The following NUFIP2 variants were observed in gnomAD, a reference collection of about 807,000 sequenced individuals.
The protein encoded by NUFIP2 is FMR1-interacting protein NUFIP2.
Under a neutral mutation model 56.9 loss-of-function variants are expected in NUFIP2, and 6 were observed. The observed-to-expected ratio is 0.11, with a 90% CI of 0.06 to 0.21. NUFIP2 has a LOEUF of 0.21. Ranked by LOEUF, NUFIP2 falls within the 10% of genes least tolerant of loss-of-function variation. The pLI, the probability that NUFIP2 is intolerant of heterozygous loss-of-function variation, is 1.00. For synonymous variants in NUFIP2, 321 were observed against 298.2 expected (o/e 1.08, Z -0.79); for missense variants, 828 against 826.8 (o/e 1.00, Z -0.02).
chr17:29,285,447 C>T (rs879541450), intron 2 of NUFIP2, among the ~76,000 whole-genome samples: 4 of 150,780 alleles, frequency 2.7e-5, no homozygotes, highest in African/African-American at 7.3e-5. Context: ...AAAAATTAGC[C>T]GGGCATGGTG....
intron 2 of NUFIP2, among the ~76,000 whole-genome samples, chr17:29,282,647 C>A (rs1479926167): frequency 6.6e-6 from 1 of 151,908 alleles, no homozygotes; most frequent in Non-Finnish European, 1.5e-5. Flanking sequence ...ATAACGCACT[C>A]TCTTACCCAC....
At chr17:29,293,488 GAAT>G (rs1567683770) in intron 1 of NUFIP2, among the ~76,000 whole-genome samples, 1 of 152,082 alleles carries the variant, frequency 6.6e-6, no homozygotes, top group African/African-American at 2.4e-5. Context: ...AATGGGAAAA[GAAT>G]AATGAGGTTG....
intron 2 of NUFIP2, among the ~76,000 whole-genome samples, chr17:29,285,539 C>T (rs1345674943): frequency 2.0e-5 from 3 of 151,662 alleles, no homozygotes; most frequent in African/African-American, 4.9e-5. Context: ...TGCAGTGGGC[C>T]GGGATTACGC....
chr17:29,288,684 A>G (rs1233862628), intron 1 of NUFIP2, among the ~76,000 whole-genome samples: 2 of 152,226 alleles, frequency 1.3e-5, no homozygotes, highest in African/African-American at 4.8e-5. Flanking sequence ...GATGAAGTAA[A>G]TTGCCCAAGT....
intron 1 of NUFIP2, among the ~76,000 whole-genome samples, chr17:29,288,452 A>G (rs1026765080): frequency 2.6e-5 from 4 of 152,270 alleles, no homozygotes; most frequent in African/African-American, 7.2e-5. Flanking sequence ...CTACAAAACC[A>G]TAAATAGCTG....
Position 29,287,223 on chromosome 17 carries a change from T to G in NUFIP2, c.771A>C (p.Gly257=), listed in dbSNP as rs370435600. ...TATAGTCAGGCTTGAAAGTTTCAAG[T>G]CCCTGTTTTAAGGTTGGGACACTGG... is the stretch of plus-strand genomic sequence containing the variant. ...QETSVPTLKQ[G]LETFKPDYSE... Residue 257 remains glycine (G), a synonymous_variant, in exon 2 of 4, where the codon GGA becomes GGC. Transcript: ENST00000225388. The G allele has an allele frequency of 1.2e-6, 2 of 1,614,072 alleles. No homozygotes were observed. The highest frequency in any genetic ancestry group is 1.7e-6 in the Non-Finnish European group (2 of 1,180,044).
chr17:29,283,000 T>C (rs980364754), intron 2 of NUFIP2, among the ~76,000 whole-genome samples: 8 of 152,208 alleles, frequency 5.3e-5, no homozygotes, highest in African/African-American at 9.6e-5. Flanking sequence ...TGGAACCCAA[T>C]TGAACTGAGT....
chr17:29,286,101 C>T lies in NUFIP2; in HGVS notation c.1893G>A (p.Thr631=), dbSNP rs775689369. Residue 631 remains threonine (T), a synonymous_variant, in exon 2 of 4, where the codon ACG becomes ACA. Coordinates refer to ENST00000225388, the MANE Select transcript of NUFIP2 (RefSeq NM_020772.3). ...IESQNPLASP[T]NTLLGSAKEQ... Reference sequence around the variant, plus strand: ...CTTTGGCAGAGCCTAACAAAGTGTTCGTAGGAGAGGCCAGAGGATTTTGAC... The same window carrying T: ...CTTTGGCAGAGCCTAACAAAGTGTTTGTAGGAGAGGCCAGAGGATTTTGAC... 8 of 1,613,826 alleles carry T rather than the reference C, an allele frequency of 5.0e-6. No homozygotes were observed. The Admixed American group carries it at 5.0e-5, about 10-fold the overall frequency.
rs1425266688 is a variant in NUFIP2, at chr17:29,286,141, T to C, written c.1853A>G (p.Asp618Gly). ...SQGALVFLSK[D>G]YEIESQNPLA... ...AGGATTTTGACTTTCTATCTCGTAG[T>C]CCTTTGAGAGAAACACTAAAGCACC... Residue 618 changes from aspartate to glycine, a missense_variant, in exon 2 of 4, where the codon GAC becomes GGC. Coordinates refer to ENST00000225388, the MANE Select transcript of NUFIP2 (RefSeq NM_020772.3). 3.7e-6 allele frequency: 6 copies of C among 1,614,170 alleles called. No individual in the cohort carries two copies. The East Asian group carries it at 8.9e-5, about 24-fold the overall frequency.
In NUFIP2 at chr17:29,287,679, TTC is replaced by T. The variant is rs760579159; in HGVS notation, c.313_314del (p.Glu105AsnfsTer9). 2 of 1,612,314 alleles carry T rather than the reference TTC, an allele frequency of 1.2e-6. No homozygotes were observed. Among genetic ancestry groups the T allele is most frequent in the Non-Finnish European group, 1.7e-6 (2 of 1,179,414 alleles). ...CAGAACTCAGGTTCTTTAAAGATAT[TTC>T]TCTTTCTCCAGCATTACCGTTTAGT... ...GELNGNAGER[E>X]ISLKNLSSDE... On this transcript the variant is annotated frameshift_variant, in exon 2 of 4. Coordinates refer to ENST00000225388, the MANE Select transcript of NUFIP2 (RefSeq NM_020772.3). LOFTEE classifies it high-confidence loss of function.
rs1428347128 is a variant in NUFIP2, at chr17:29,293,888, G to C, written c.172C>G (p.Leu58Val). The C allele has an allele frequency of 1.2e-6, 2 of 1,614,050 alleles. No homozygotes were observed. Among genetic ancestry groups the C allele is most frequent in the Non-Finnish European group, 1.7e-6 (2 of 1,179,972 alleles). ...GGGCTGCCCTCGGCTCCATGCTGCAGGTATTGGTGAGGCTGCTGGTGATGA... is the reference window on the plus strand; with the variant it reads ...GGGCTGCCCTCGGCTCCATGCTGCACGTATTGGTGAGGCTGCTGGTGATGA... ...HHHHQQPHQY[L>V]QHGAEGSPKA... Residue 58 changes from leucine (L) to valine (V), a missense_variant, in exon 1 of 4, where the codon CTG becomes GTG. Leu to Val is a conservative substitution (Grantham distance 32). Coordinates refer to ENST00000225388, the MANE Select transcript of NUFIP2 (RefSeq NM_020772.3).
Position 29,267,531 on chromosome 17 carries a change from C to A in NUFIP2, c.2003-1G>T. 6.5e-7 allele frequency: 1 copy of A among 1,529,660 alleles called. No individual in the cohort carries two copies. Among genetic ancestry groups the A allele is most frequent in the Admixed American group, 1.8e-5 (1 of 55,304 alleles). The allele number at this position is 1,529,660 out of a possible 1,614,324, so 94.8% of individuals were successfully genotyped here. ...TGCAAATTCCAAATAGATTCCATTT[C>A]TGCAAAGAAAAAAAGAGAATTACAT... On this transcript the variant is annotated splice_acceptor_variant, in intron 2 of 3. Transcript: ENST00000225388. LOFTEE classifies it high-confidence loss of function.
chr17:29,278,183 C>T (rs371021690), intron 2 of NUFIP2, among the ~76,000 whole-genome samples: 2 of 152,082 alleles, frequency 1.3e-5, no homozygotes, highest in Admixed American at 6.6e-5. Context: ...AATAGAAACT[C>T]GGAACTCAAG....
Position 29,262,931 on chromosome 17 carries a change from A to C in NUFIP2, c.*1608T>G, listed in dbSNP as rs1437007196. ...CCTCAAATAATCAACAAAACAAGAA[A>C]ACCCATCCATACTACAGTCACTCAA... On this transcript the variant is annotated 3_prime_UTR_variant, in exon 4 of 4. Transcript: ENST00000225388. 6.6e-6 allele frequency: 1 copy of C among 152,522 alleles called. No homozygotes were observed. The highest frequency in any genetic ancestry group is 1.9e-4 in the East Asian group (1 of 5,202). 9.4% of individuals were successfully genotyped at this position (152,522 alleles called of 1,614,324 possible). A position where few individuals can be genotyped will look rare whatever the true frequency, so the allele number is the denominator to read the frequency against.
chr17:29,288,979 A>C (rs2069194572), intron 1 of NUFIP2, among the ~76,000 whole-genome samples: 1 of 151,980 alleles, frequency 6.6e-6, no homozygotes, highest in East Asian at 1.9e-4. Context: ...CCCTGTCTCT[A>C]CTACAAATAC....
At chr17:29,279,864 G>T (rs2069129928) in intron 2 of NUFIP2, among the ~76,000 whole-genome samples, 1 of 152,054 alleles carries the variant, frequency 6.6e-6, no homozygotes. Flanking sequence ...TCCTAGGCTG[G>T]ATAGAGTGCA....
intron 3 of NUFIP2, among the ~76,000 whole-genome samples, chr17:29,265,725 A>T (rs948153264): frequency 6.8e-6 from 1 of 147,642 alleles, no homozygotes; most frequent in Non-Finnish European, 1.5e-5. Flanking sequence ...AAAAAAAAAA[A>T]AAAAGGCAAG....
chr17:29,281,737 A>G (rs532075249), intron 2 of NUFIP2, among the ~76,000 whole-genome samples: 7 of 148,848 alleles, frequency 4.7e-5, no homozygotes, highest in Admixed American at 3.3e-4. Context: ...CCACACAAGG[A>G]ATTAGAATCC....
intron 1 of NUFIP2, among the ~76,000 whole-genome samples, chr17:29,292,285 G>A (rs1373531128): frequency 6.6e-6 from 1 of 152,010 alleles, no homozygotes; most frequent in Non-Finnish European, 1.5e-5. Flanking sequence ...ACAAGAAAGA[G>A]GGGTCAAAAA....
Sources: gnomAD v4.1 joint callset for allele counts (sites outside exome capture counted in the v4.1 genomes callset) on GRCh38, gnomAD v4.1.1 for gene constraint, MANE v1.5 for transcripts, NCBI Gene and HGNC (gene_info 2026-07-23, HGNC 2026-07-21) for gene names.